MTAP: variants seen among roughly 807,000 people sequenced by gnomAD.
MTAP encodes the protein methylthioadenosine phosphorylase, also known as S-methyl-5'-thioadenosine phosphorylase.
In MTAP, 33 loss-of-function variants were observed where a neutral mutation model predicts 33.6. The observed-to-expected ratio is 0.98, with a 90% CI of 0.74 to 1.31. MTAP has a LOEUF of 1.31. Among genes scored for constraint, MTAP ranks in the 40% most tolerant of loss-of-function variants. The pLI, the probability that MTAP is intolerant of heterozygous loss-of-function variation, is 0.00. For missense variants in MTAP, 367 were observed against 360.0 expected (o/e 1.02, Z -0.16); for synonymous variants, 148 against 125.7 (o/e 1.18, Z -1.19).
In MTAP at chr9:21,864,281, A is replaced by C. The variant is rs1825812738; in HGVS notation, c.*2267A>C. ...ATGCAAAGCCAATATAATTTTCCTCATACCTTATGCTTGAGGATATTGTTG... is the reference window on the plus strand; with the variant it reads ...ATGCAAAGCCAATATAATTTTCCTCCTACCTTATGCTTGAGGATATTGTTG... On this transcript the variant is annotated 3_prime_UTR_variant, in exon 8 of 8. Transcript: ENST00000644715. The C allele has an allele frequency of 1.7e-5, 17 of 985,092 alleles. No individual in the cohort carries two copies. The South Asian group carries it at 8.0e-4, about 46-fold the overall frequency. 61.0% of individuals were successfully genotyped at this position (985,092 alleles called of 1,614,324 possible).
At chr9:21,926,170 A>G (rs6475597) in intron 1 of MTAP, among the ~76,000 whole-genome samples, 57,192 of 152,078 alleles carry the variant, frequency 0.38, 14,087 homozygotes, top group African/African-American at 0.68. Context: ...GGTCATAATG[A>G]TAATGCCTAT....
intron 1 of MTAP, among the ~76,000 whole-genome samples, chr9:21,920,392 G>GT (rs1005301072): frequency 4.6e-5 from 7 of 152,066 alleles, no homozygotes; most frequent in Non-Finnish European, 8.8e-5. Context: ...TTTTTAACAT[G>GT]TTTTTTTCCC....
chr9:21,863,662 A>C lies in MTAP; in HGVS notation c.*1648A>C. On this transcript the variant is annotated 3_prime_UTR_variant, in exon 8 of 8. Transcript: ENST00000644715. ...GAGTGAAATGCTTTTTGTTTGCTTC[A>C]GTTTTTTATCATGGGGAGATCTTTT... 1 of 985,354 alleles carries C rather than the reference A, an allele frequency of 1.0e-6. No individual in the cohort carries two copies. The highest frequency in any genetic ancestry group is 1.2e-6 in the Non-Finnish European group (1 of 829,872). 61.0% of individuals were successfully genotyped at this position (985,354 alleles called of 1,614,324 possible). A position where few individuals can be genotyped will look rare whatever the true frequency, so the allele number is the denominator to read the frequency against.
rs551863974 is a variant in MTAP, at chr9:21,884,845, T to C, written c.147+29975T>C. 2.0e-3 allele frequency among the ~76,000 whole-genome samples: 310 copies of C among 152,272 alleles called. 2 individuals carry two copies. Among genetic ancestry groups the C allele is most frequent in the Non-Finnish European group, 3.0e-3 (206 of 68,014 alleles). The stretch of plus-strand genomic sequence containing the variant: ...CATGTAGTCTATAAAATTGCATGAT[T>C]CCCTTTATATCAAGTCCCCAACTAG... On this transcript the variant is annotated intron_variant, in intron 1 of 1. Coordinates refer to the MTAP transcript ENST00000577563.
intron 5 of MTAP, among the ~76,000 whole-genome samples, chr9:21,844,001 G>A (rs971386739): frequency 2.0e-5 from 3 of 152,060 alleles, no homozygotes; most frequent in African/African-American, 7.2e-5. Flanking sequence ...AATTAACCAA[G>A]AAGAGAAAAG....
In MTAP at chr9:21,863,813, A is replaced by G; in HGVS notation, c.*1799A>G. 6.1e-6 allele frequency: 6 copies of G among 985,856 alleles called. No homozygotes were observed. The highest frequency in any genetic ancestry group is 7.2e-6 in the Non-Finnish European group (6 of 829,934). 61.1% of individuals were successfully genotyped at this position (985,856 alleles called of 1,614,324 possible). ...GTTTGTGTCTCTGAGATTGACTTCAAGATAATAAGCTGCTAATTGTAAACA... is the reference window on the plus strand; with the variant it reads ...GTTTGTGTCTCTGAGATTGACTTCAGGATAATAAGCTGCTAATTGTAAACA... On this transcript the variant is annotated 3_prime_UTR_variant, in exon 8 of 8. Transcript: ENST00000644715.
intron 4 of MTAP, among the ~76,000 whole-genome samples, chr9:21,818,555 G>A (rs1367359338): frequency 1.3e-5 from 2 of 151,996 alleles, no homozygotes; most frequent in Non-Finnish European, 2.9e-5. Context: ...CTTGAATCAG[G>A]AGATCACCCG....
chr9:21,918,349 CAA>C (rs34446505), intron 1 of MTAP, among the ~76,000 whole-genome samples: 8 of 23,816 alleles, frequency 3.4e-4, no homozygotes, highest in Admixed American at 1.7e-3. Flanking sequence ...GACTCCGTCT[CAA>C]AAAAAAAAAA....
intron 4 of MTAP, among the ~76,000 whole-genome samples, chr9:21,830,017 C>G (rs558872294): frequency 3.9e-5 from 6 of 152,160 alleles, no homozygotes; most frequent in African/African-American, 1.4e-4. Flanking sequence ...TGTGACTGCC[C>G]TGGAAAAAGA....
At chr9:21,872,510 GTCCATCTGTCT>G (rs1825952503) in intron 1 of MTAP, among the ~76,000 whole-genome samples, 1 of 152,062 alleles carries the variant, frequency 6.6e-6, no homozygotes, top group African/African-American at 2.4e-5. Context: ...TGATACTCAT[GTCCATCTGTCT>G]ACAGATATAC....
At chr9:21,879,652 T>G (rs1460945438) in intron 1 of MTAP, among the ~76,000 whole-genome samples, 1 of 152,098 alleles carries the variant, frequency 6.6e-6, no homozygotes, top group Non-Finnish European at 1.5e-5. Flanking sequence ...TCATTGGTAC[T>G]TAAATGTGTT....
At chr9:21,830,553 A>G (rs1824941332) in intron 4 of MTAP, among the ~76,000 whole-genome samples, 1 of 152,192 alleles carries the variant, frequency 6.6e-6, no homozygotes, top group Admixed American at 6.5e-5. Context: ...GAACTGGGGA[A>G]AGTATTTGAC....
At chr9:21,855,283 A>C (rs1382108192) in intron 6 of MTAP, among the ~76,000 whole-genome samples, 1 of 152,184 alleles carries the variant, frequency 6.6e-6, no homozygotes, top group African/African-American at 2.4e-5. Context: ...GTGGCTGGAT[A>C]CTCTGTTCAG....
Position 21,862,166 on chromosome 9 carries a change from G to A in MTAP, c.*152G>A, listed in dbSNP as rs924313816. 4 of 1,461,122 alleles carry A rather than the reference G, an allele frequency of 2.7e-6. No individual in the cohort carries two copies. The highest frequency in any genetic ancestry group is 5.0e-5 in the East Asian group (2 of 40,150). 90.5% of individuals were successfully genotyped at this position (1,461,122 alleles called of 1,614,324 possible). A position where few individuals can be genotyped will look rare whatever the true frequency, so the allele number is the denominator to read the frequency against. On this transcript the variant is annotated 3_prime_UTR_variant, in exon 8 of 8. Coordinates refer to ENST00000644715, the MANE Select transcript of MTAP (RefSeq NM_002451.4). ...TTGTAAGAAAGACAAGACATTGTGT[G>A]TATTAGAGACTCCTGAATGATTTAG... is the stretch of plus-strand genomic sequence containing the variant.
At position 21,875,305 on chromosome 9, in the gene MTAP, G is replaced by A. The variant is rs564119838; in HGVS notation, c.147+20435G>A. On this transcript the variant is annotated intron_variant, in intron 1 of 1. Coordinates refer to the MTAP transcript ENST00000577563. ...ATCGCCATTCTAACTGGTGTGAGAT[G>A]GTATCTCATGGTGGTTTTGATTAGC... is the stretch of plus-strand genomic sequence containing the variant. Among the ~76,000 whole-genome samples the A allele has an allele frequency of 3.7e-4, 56 of 152,132 alleles. No individual in the cohort carries two copies. The Middle Eastern group carries it at 0.014, about 37-fold the overall frequency.
intron 1 of MTAP, among the ~76,000 whole-genome samples, chr9:21,887,562 C>T (rs1249633314): frequency 1.3e-5 from 2 of 152,168 alleles, no homozygotes; most frequent in Non-Finnish European, 2.9e-5. Flanking sequence ...AATAGTGCCG[C>T]AGTAAACATA....
In MTAP at chr9:21,863,992, C is replaced by T; in HGVS notation, c.*1978C>T. The T allele has an allele frequency of 4.1e-6, 4 of 985,712 alleles. No individual in the cohort carries two copies. The highest frequency in any genetic ancestry group is 4.8e-6 in the Non-Finnish European group (4 of 829,928). The allele number at this position is 985,712 out of a possible 1,614,324, so 61.1% of individuals were successfully genotyped here. A position where few individuals can be genotyped will look rare whatever the true frequency, so the allele number is the denominator to read the frequency against. On this transcript the variant is annotated 3_prime_UTR_variant, in exon 8 of 8. Transcript: ENST00000644715. ...AGAACTTAATGAACCTGAACCCAGG[C>T]TTCTCTAGCTCTGGTAACGTGTGAT...
At chr9:21,860,174 G>C (rs1422365867) in intron 7 of MTAP, 1 of 152,226 alleles carries the variant, frequency 6.6e-6, no homozygotes, top group African/African-American at 2.4e-5. Flanking sequence ...TAGGAGCTCT[G>C]TAATGAGAGA....
intron 4 of MTAP, among the ~76,000 whole-genome samples, chr9:21,827,739 A>C (rs1219937561): frequency 6.6e-6 from 1 of 152,232 alleles, no homozygotes; most frequent in Admixed American, 6.5e-5. Flanking sequence ...TGAGGGCTTG[A>C]ACATAGTCAT....
Sources: gnomAD v4.1 joint callset for allele counts (sites outside exome capture counted in the v4.1 genomes callset) on GRCh38, gnomAD v4.1.1 for gene constraint, MANE v1.5 for transcripts, NCBI Gene and HGNC (gene_info 2026-07-23, HGNC 2026-07-21) for gene names.